Variants in PTPRM observed in about 807,000 individuals in gnomAD.
PTPRM encodes protein tyrosine phosphatase receptor type M.
In PTPRM, 47 loss-of-function variants were observed where a neutral mutation model predicts 186.7. The ratio of observed to expected loss-of-function variants is 0.25; its 90% CI spans 0.20 to 0.32. The LOEUF (loss-of-function observed/expected upper bound fraction) is 0.32. Among genes scored for constraint, PTPRM ranks in the 10% least tolerant of loss-of-function variants. The pLI is 1.00. For synonymous variants in PTPRM, 668 were observed against 674.9 expected, an observed-to-expected ratio of 0.99 and a Z score of 0.16; for missense variants, 1,494 against 1,865.0, an observed-to-expected ratio of 0.80 and a Z score of 3.66.
At chr18:7,736,301 G>A (rs2040769837) in intron 1 of PTPRM, among the ~76,000 whole-genome samples, 1 of 152,086 alleles carries the variant, frequency 6.6e-6, no homozygotes, top group Non-Finnish European at 1.5e-5. Flanking sequence ...GCCAAACTCT[G>A]GAATTTATTT....
chr18:8,388,456 C>T (rs370362826), intron 31 of PTPRM, among the ~76,000 whole-genome samples: 15 of 152,268 alleles, frequency 9.9e-5, no homozygotes, highest in African/African-American at 3.6e-4. Context: ...CCCTGGAAGC[C>T]CAGGACTCTG....
At chr18:7,582,665 A>T (rs1045002236) in intron 1 of PTPRM, among the ~76,000 whole-genome samples, 1 of 152,164 alleles carries the variant, frequency 6.6e-6, no homozygotes, top group African/African-American at 2.4e-5. Context: ...TTGGGAAATC[A>T]TGGGCAGCAT....
At chr18:8,172,764 A>G (rs2093423460) in intron 14 of PTPRM, among the ~76,000 whole-genome samples, 2 of 152,098 alleles carry the variant, frequency 1.3e-5, no homozygotes, top group South Asian at 4.1e-4. Context: ...AGAAAATTGC[A>G]GGGAAACCCA....
chr18:7,736,558 C>T (rs572443117), intron 1 of PTPRM, among the ~76,000 whole-genome samples: 24 of 152,200 alleles, frequency 1.6e-4, no homozygotes, highest in African/African-American at 4.3e-4. Flanking sequence ...CCTTAAAATC[C>T]GAGCTCCCCG....
intron 4 of PTPRM, among the ~76,000 whole-genome samples, chr18:7,912,126 A>T (rs1469290536): frequency 6.6e-6 from 1 of 152,164 alleles, no homozygotes; most frequent in Non-Finnish European, 1.5e-5. Context: ...TGCTGGGATT[A>T]CAGGCATAAG....
At chr18:7,838,218 A>C (rs1304635956) in intron 2 of PTPRM, among the ~76,000 whole-genome samples, 1 of 152,188 alleles carries the variant, frequency 6.6e-6, no homozygotes, top group African/African-American at 2.4e-5. Context: ...AGGAGAGAGA[A>C]GTGCTGAGCA....
At chr18:8,247,812 G>A (rs372511879) in intron 15 of PTPRM, 33 bp from the exon 16 acceptor site, 215 of 1,504,956 alleles carry the variant, frequency 1.4e-4, no homozygotes, top group Non-Finnish European at 1.8e-4. Flanking sequence ...TTACCTCTCT[G>A]CTGCCCCTGA....
At chr18:7,753,060 A>G (rs1272863882) in intron 1 of PTPRM, among the ~76,000 whole-genome samples, 1 of 152,164 alleles carries the variant, frequency 6.6e-6, no homozygotes, top group Non-Finnish European at 1.5e-5. Context: ...CCTTTGGTTT[A>G]GTAGAGAACC....
intron 3 of PTPRM, among the ~76,000 whole-genome samples, chr18:7,890,271 G>A (rs367747885): frequency 3.9e-5 from 6 of 152,168 alleles, no homozygotes; most frequent in African/African-American, 1.4e-4. Flanking sequence ...TAATTGAGGT[G>A]CTTGGCTAGA....
intron 1 of PTPRM, among the ~76,000 whole-genome samples, chr18:7,574,324 A>G (rs1396747444): frequency 1.3e-5 from 2 of 152,188 alleles, no homozygotes; most frequent in East Asian, 3.9e-4. Context: ...CGATGTAACA[A>G]TTAAATTTTG....
At chr18:8,364,062 A>G (rs1164043031) in intron 23 of PTPRM, among the ~76,000 whole-genome samples, 1 of 152,198 alleles carries the variant, frequency 6.6e-6, no homozygotes, top group Non-Finnish European at 1.5e-5. Flanking sequence ...CCCAAACTGA[A>G]ACTATCCAGA....
chr18:8,016,474 A>G (rs2147917114), intron 7 of PTPRM, among the ~76,000 whole-genome samples: 1 of 150,814 alleles, frequency 6.6e-6, no homozygotes, highest in African/African-American at 2.4e-5. Context: ...CGGAGGTTGC[A>G]GTGAGCCAAG....
At chr18:7,789,659 G>A (rs1017973896) in intron 2 of PTPRM, among the ~76,000 whole-genome samples, 4 of 152,248 alleles carry the variant, frequency 2.6e-5, no homozygotes, top group South Asian at 2.1e-4. Flanking sequence ...GCCAGAAGTC[G>A]CTATCTGCCC....
At chr18:7,593,003 C>G (rs147987207) in intron 1 of PTPRM, among the ~76,000 whole-genome samples, 8 of 152,310 alleles carry the variant, frequency 5.3e-5, no homozygotes, top group African/African-American at 1.9e-4. Flanking sequence ...CAGGTTTCTT[C>G]TGTTCCTTTC....
chr18:8,089,160 A>T (rs1004198937), intron 11 of PTPRM, among the ~76,000 whole-genome samples: 5 of 152,098 alleles, frequency 3.3e-5, no homozygotes, highest in African/African-American at 1.2e-4. Flanking sequence ...CAATTTGGTT[A>T]CCCAAGGGCA....
intron 19 of PTPRM, among the ~76,000 whole-genome samples, chr18:8,275,338 G>A (rs565630803): frequency 3.3e-5 from 5 of 152,194 alleles, no homozygotes; most frequent in African/African-American, 7.2e-5. Context: ...CCAGCTACTC[G>A]GAGGCTGAGG....
Position 8,236,753 on chromosome 18 carries a change from GGTGGT to G in PTPRM, c.2301-7304_2301-7300del, listed in dbSNP as rs541656638. 4.3e-3 allele frequency among the ~76,000 whole-genome samples: 650 copies of G among 152,122 alleles called. 3 individuals are homozygous for G. Among genetic ancestry groups the G allele is most frequent in the African/African-American group, 0.015 (611 of 41,496 alleles). On this transcript the variant is annotated intron_variant, in intron 14 of 32. Coordinates refer to ENST00000580170, the MANE Select transcript of PTPRM (RefSeq NM_001105244.2). ...GACAGGGTTTCACCATGTTGCCCAG[GGTGGT>G]CTTGAACCCCTGAGCTCAAGCAGTC...
intron 11 of PTPRM, among the ~76,000 whole-genome samples, chr18:8,090,087 T>C (rs2090630784): frequency 6.6e-6 from 1 of 152,154 alleles, no homozygotes; most frequent in Non-Finnish European, 1.5e-5. Flanking sequence ...TTTCGAGTGA[T>C]GTGCTTGACA....
intron 5 of PTPRM, among the ~76,000 whole-genome samples, chr18:7,940,894 A>T (rs983431120): frequency 6.6e-6 from 1 of 152,154 alleles, no homozygotes; most frequent in African/African-American, 2.4e-5. Context: ...GTCAAAACCT[A>T]GGAATTATGG....
Sources: gnomAD v4.1 joint callset for allele counts (sites outside exome capture counted in the v4.1 genomes callset) on GRCh38, gnomAD v4.1.1 for gene constraint, MANE v1.5 for transcripts, NCBI Gene and HGNC (gene_info 2026-07-23, HGNC 2026-07-21) for gene names.